The following AREG variants were observed in gnomAD, a reference collection of about 807,000 sequenced individuals.
The protein encoded by AREG is amphiregulin.
Under a neutral mutation model 28.0 loss-of-function variants are expected in AREG, and 16 were observed. That is an observed-to-expected ratio of 0.57 (90% CI 0.39 to 0.87). The LOEUF (loss-of-function observed/expected upper bound fraction) is 0.87, where lower values mean the gene tolerates loss of function less well. Among genes scored for constraint, AREG ranks in the 40% least tolerant of loss-of-function variants. The probability of loss-of-function intolerance (pLI) is 0.00; values close to 1 mark genes in which losing one functional copy is unlikely to be tolerated. For synonymous variants in AREG, 113 were observed against 113.5 expected (o/e 1.00, Z 0.02); for missense variants, 287 against 309.1 (o/e 0.93, Z 0.53).
chr4:74,445,208 G>A lies in AREG; in HGVS notation c.-138G>A, dbSNP rs1719248223. ...CCCGAGGCGCCGCGCCCGCCGCCCC[G>A]AGCTCCCCAAGCCTTCGAGAGCGGC... On this transcript the variant is annotated 5_prime_UTR_variant, in exon 1 of 6. Coordinates refer to ENST00000395748, the MANE Select transcript of AREG (RefSeq NM_001657.4). The A allele has an allele frequency of 2.0e-6, 3 of 1,496,236 alleles. No homozygotes were observed. Among genetic ancestry groups the A allele is most frequent in the Non-Finnish European group, 2.7e-6 (3 of 1,117,100 alleles). The allele number at this position is 1,496,236 out of a possible 1,614,324, so 92.7% of individuals were successfully genotyped here.
In AREG at chr4:74,449,042, T is replaced by C; in HGVS notation, c.311-5T>C. On this transcript the variant is annotated splice_region_variant and splice_polypyrimidine_tract_variant and intron_variant, in intron 2 of 5. Transcript: ENST00000395748. Reference sequence around the variant, plus strand: ...ACTCTTGTCAATAAATCTTTTCTTTTTTAGTTGAACAGGTAGTTAAGCCCC... The same window carrying C: ...ACTCTTGTCAATAAATCTTTTCTTTCTTAGTTGAACAGGTAGTTAAGCCCC... 1 of 1,608,178 alleles carries C rather than the reference T, an allele frequency of 6.2e-7. No homozygotes were observed. Among genetic ancestry groups the C allele is most frequent in the South Asian group, 1.1e-5 (1 of 90,282 alleles).
rs767981241 is a variant in AREG, at chr4:74,450,405, C to T, written c.538C>T (p.Arg180Trp). 28 of 1,613,704 alleles carry T rather than the reference C, an allele frequency of 1.7e-5. No individual in the cohort carries two copies. Among genetic ancestry groups the T allele is most frequent in the East Asian group, 4.5e-5 (2 of 44,884 alleles). ...ATGTCAGCAAGAATATTTCGGTGAA[C>T]GGTGTGGGGAAAAGTCCATGAAAAC... is the stretch of plus-strand genomic sequence containing the variant. ...CKCQQEYFGE[R>W]CGEKSMKTHS... Residue 180 changes from arginine (R) to tryptophan (W), a missense_variant, in exon 4 of 6, where the codon CGG becomes TGG. Transcript: ENST00000395748.
intron 4 of AREG, among the ~76,000 whole-genome samples, chr4:74,451,445 G>C (rs1719380743): frequency 6.6e-6 from 1 of 152,206 alleles, no homozygotes; most frequent in East Asian, 1.9e-4. Flanking sequence ...TTGTGTACAT[G>C]ATCTACCACG....
At chr4:74,450,245 C>T in intron 3 of AREG, 135 bp from the exon 4 acceptor site, 6 of 1,402,210 alleles carry the variant, frequency 4.3e-6, no homozygotes, top group Non-Finnish European at 6.0e-6. Flanking sequence ...TTCTGTGTCT[C>T]ATTATTTAAA....
chr4:74,448,814 T>G (rs1233742668), intron 2 of AREG: 4 of 518,238 alleles, frequency 7.7e-6, no homozygotes, highest in African/African-American at 1.9e-5. Flanking sequence ...CTGCAAGTAG[T>G]ACTCACTAAT....
chr4:74,446,714 A>G lies in AREG; in HGVS notation c.242A>G (p.Tyr81Cys), dbSNP rs28364979. ...AGTGAACCGTCCTCGGGAGCCGACT[A>G]TGACTACTCAGAAGAGTATGATAAC... ...SSSEPSSGAD[Y>C]DYSEEYDNEP... The change falls in exon 2 of 6, where the codon TAT becomes TGT. Residue 81 changes from tyrosine to cysteine, a missense_variant. By Grantham distance (194) the Tyr-to-Cys change is radical (BLOSUM62 -2). Transcript: ENST00000395748. 4.1e-4 allele frequency: 669 copies of G among 1,613,996 alleles called. 3 individuals carry two copies. The African/African-American group carries it at 7.9e-3, about 19-fold the overall frequency.
chr4:74,445,570 A>G (rs1719268658), intron 1 of AREG, among the ~76,000 whole-genome samples, 164 bp downstream of exon 1: 1 of 152,238 alleles, frequency 6.6e-6, no homozygotes, highest in African/African-American at 2.4e-5. Flanking sequence ...AGAGAAGGGC[A>G]GATGTCTCAA....
At position 74,446,636 on chromosome 4, in the gene AREG, G is replaced by A; in HGVS notation, c.164G>A (p.Ser55Asn). The A allele has an allele frequency of 6.2e-7, 1 of 1,613,980 alleles. No homozygotes were observed. Among genetic ancestry groups the A allele is most frequent in the Non-Finnish European group, 8.5e-7 (1 of 1,179,864 alleles). Residue 55 changes from serine to asparagine, a missense_variant, in exon 2 of 6, where the codon AGT becomes AAT. Physicochemically the swap from Ser to Asn is conservative, Grantham distance 46. Coordinates refer to ENST00000395748, the MANE Select transcript of AREG (RefSeq NM_001657.4). ...GATGGATTTGAGGTTACCTCAAGAA[G>A]TGAGATGTCTTCAGGGAGTGAGATT... is the stretch of plus-strand genomic sequence containing the variant. Reference protein sequence around the residue: ...SADGFEVTSRSEMSSGSEISP... With the variant: ...SADGFEVTSRNEMSSGSEISP...
intron 2 of AREG, chr4:74,448,755 G>A (rs1321513245): frequency 3.4e-5 from 11 of 326,566 alleles, no homozygotes; most frequent in Non-Finnish European, 6.2e-5. Flanking sequence ...GGGTGTTGGA[G>A]CATTGTAACA....
chr4:74,450,469 T>G lies in AREG; in HGVS notation c.602T>G (p.Leu201Ter). The G allele has an allele frequency of 3.7e-6, 6 of 1,613,960 alleles. No homozygotes were observed. Among genetic ancestry groups the G allele is most frequent in the Non-Finnish European group, 5.1e-6 (6 of 1,179,854 alleles). The stretch of plus-strand genomic sequence containing the variant: ...GACAGTAGTTTATCAAAAATTGCAT[T>G]AGCAGCCATAGCTGCCTTTATGTCT... Reference protein sequence around the residue: ...MIDSSLSKIALAAIAAFMSAV... With the variant: ...MIDSSLSKIA The change falls in exon 4 of 6, where the codon TTA becomes TGA. Residue 201 changes from leucine to a stop codon, truncating the protein, a stop_gained. Transcript: ENST00000395748. LOFTEE classifies it high-confidence loss of function.
rs762809598 is a variant in AREG, at chr4:74,446,632, A to G, written c.160A>G (p.Arg54Gly). 6 of 1,613,980 alleles carry G rather than the reference A, an allele frequency of 3.7e-6. No individual in the cohort carries two copies. The South Asian group carries it at 6.6e-5, about 18-fold the overall frequency. Residue 54 changes from arginine (R) to glycine (G), a missense_variant, in exon 2 of 6, where the codon AGA becomes GGA. By Grantham distance (125) the Arg-to-Gly change is moderately radical. Coordinates refer to ENST00000395748, the MANE Select transcript of AREG (RefSeq NM_001657.4). ...HSADGFEVTS[R>G]SEMSSGSEIS... ...TGCTGATGGATTTGAGGTTACCTCA[A>G]GAAGTGAGATGTCTTCAGGGAGTGA...
intron 2 of AREG, among the ~76,000 whole-genome samples, chr4:74,447,577 T>C (rs1719314202): frequency 6.6e-6 from 1 of 152,136 alleles, no homozygotes; most frequent in Admixed American, 6.6e-5. Flanking sequence ...TTGCATACTT[T>C]GGAGTCTGAA....
In AREG at chr4:74,445,293, T is replaced by A; in HGVS notation, c.-53T>A. 1 of 1,591,716 alleles carries A rather than the reference T, an allele frequency of 6.3e-7. No homozygotes were observed. The highest frequency in any genetic ancestry group is 8.5e-7 in the Non-Finnish European group (1 of 1,171,274). ...CCGCTCGTTTTGGCGGCAGCTCGTGTCCCAGAGACCGAGTTGCCCCAGAGA... is the reference window on the plus strand; with the variant it reads ...CCGCTCGTTTTGGCGGCAGCTCGTGACCCAGAGACCGAGTTGCCCCAGAGA... On this transcript the variant is annotated 5_prime_UTR_variant, in exon 1 of 6. Coordinates refer to ENST00000395748, the MANE Select transcript of AREG (RefSeq NM_001657.4).
intron 2 of AREG, 145 bp downstream of exon 2, chr4:74,446,927 A>G (rs1241278034): frequency 6.5e-7 from 1 of 1,541,038 alleles, no homozygotes; most frequent in African/African-American, 1.4e-5. Context: ...CTGTGACAAA[A>G]AGAACCATAA....
At chr4:74,451,604 A>G (rs1045086763) in intron 4 of AREG, among the ~76,000 whole-genome samples, 2 of 152,224 alleles carry the variant, frequency 1.3e-5, no homozygotes, top group Admixed American at 6.5e-5. Context: ...TGCACACACT[A>G]GAATTTGTCC....
intron 3 of AREG, 90 bp from the exon 4 acceptor site, chr4:74,450,290 A>G: frequency 6.2e-7 from 1 of 1,600,184 alleles, no homozygotes; most frequent in Non-Finnish European, 8.6e-7. Context: ...TTAATGTTGG[A>G]ATTAAATGGT....
In AREG at chr4:74,450,399, G is replaced by A; in HGVS notation, c.532G>A (p.Gly178Ser). The change falls in exon 4 of 6, where the codon GGT (glycine) becomes AGT (serine). Residue 178 changes from glycine to serine, a missense_variant. By Grantham distance (56) the Gly-to-Ser change is moderately conservative. Transcript: ENST00000395748. ...TTGCAGATGTCAGCAAGAATATTTCGGTGAACGGTGTGGGGAAAAGTCCAT... is the reference window on the plus strand; with the variant it reads ...TTGCAGATGTCAGCAAGAATATTTCAGTGAACGGTGTGGGGAAAAGTCCAT... ...VTCKCQQEYF[G>S]ERCGEKSMKT... The A allele has an allele frequency of 4.3e-6, 7 of 1,613,860 alleles. No homozygotes were observed. The highest frequency in any genetic ancestry group is 1.3e-5 in the African/African-American group (1 of 75,012).
rs1719246564 is a variant in AREG at position 74,445,170 on chromosome 4, G to A, written c.-176G>A. 5 of 1,401,870 alleles carry A rather than the reference G, an allele frequency of 3.6e-6. No homozygotes were observed. Among genetic ancestry groups the A allele is most frequent in the African/African-American group, 1.5e-5 (1 of 68,530 alleles). 86.8% of individuals were successfully genotyped at this position (1,401,870 alleles called of 1,614,324 possible). A position where few individuals can be genotyped will look rare whatever the true frequency, so the allele number is the denominator to read the frequency against. The stretch of plus-strand genomic sequence containing the variant: ...CACACCTGGGTGCCAGCGCCCCAGA[G>A]GTCCCGGGACAGCCCGAGGCGCCGC... On this transcript the variant is annotated 5_prime_UTR_variant, in exon 1 of 6. Coordinates refer to ENST00000395748, the MANE Select transcript of AREG (RefSeq NM_001657.4).
chr4:74,447,425 A>G (rs1458400395), intron 2 of AREG, among the ~76,000 whole-genome samples: 1 of 152,144 alleles, frequency 6.6e-6, no homozygotes, highest in Non-Finnish European at 1.5e-5. Flanking sequence ...ATATACTTAG[A>G]TTTTGTATTG....
Sources: allele counts gnomAD v4.1 joint callset (sites outside exome capture counted in the v4.1 genomes callset), GRCh38; gene constraint gnomAD v4.1.1; transcripts MANE v1.5; gene names NCBI Gene and HGNC (gene_info 2026-07-23, HGNC 2026-07-21).